The following LRP6 variants were observed in gnomAD, a reference collection of about 807,000 sequenced individuals.
LRP6 encodes the protein LDL receptor related protein 6, also known as low-density lipoprotein receptor-related protein 6.
LRP6 carries 43 observed loss-of-function variants against 184.1 expected under a neutral mutation model. That is an observed-to-expected ratio of 0.23 (90% CI 0.18 to 0.30). The LOEUF is 0.30. Ranked by LOEUF, LRP6 falls within the 10% of genes least tolerant of loss-of-function variation. The probability of loss-of-function intolerance (pLI) is 1.00; values close to 1 mark genes in which losing one functional copy is unlikely to be tolerated. For missense variants in LRP6, 1,571 were observed against 2,005.3 expected (o/e 0.78, Z 4.14); for synonymous variants, 719 against 684.9 (o/e 1.05, Z -0.78).
chr12:12,217,969 A>G (rs1864392039), intron 2 of LRP6, among the ~76,000 whole-genome samples: 1 of 152,210 alleles, frequency 6.6e-6, no homozygotes, highest in South Asian at 2.1e-4. Flanking sequence ...AATTAAAAGA[A>G]TGGTTTCACA....
At chr12:12,147,578 A>C (rs1252025001) in intron 14 of LRP6, 22 bp from the exon 15 acceptor site, 2 of 1,579,606 alleles carry the variant, frequency 1.3e-6, no homozygotes, top group South Asian at 2.2e-5. Flanking sequence ...GGAGGAAAAA[A>C]ATAAGTTACT....
chr12:12,232,089 T>G (rs1291168468), intron 2 of LRP6, among the ~76,000 whole-genome samples: 3 of 151,744 alleles, frequency 2.0e-5, no homozygotes, highest in Admixed American at 6.6e-5. Flanking sequence ...ATACTTTAAA[T>G]AGTTAAGTGG....
At chr12:12,143,320 A>G (rs1189463608) in intron 15 of LRP6, among the ~76,000 whole-genome samples, 1 of 152,176 alleles carries the variant, frequency 6.6e-6, no homozygotes, top group Non-Finnish European at 1.5e-5. Context: ...TTAATATTAT[A>G]AAGATAATAA....
intron 2 of LRP6, among the ~76,000 whole-genome samples, chr12:12,205,492 A>G (rs1008073152): frequency 6.6e-6 from 1 of 152,210 alleles, no homozygotes. Flanking sequence ...ATGCATACTG[A>G]TGTCTCCACT....
At chr12:12,251,264 A>G (rs1182411134) in intron 1 of LRP6, among the ~76,000 whole-genome samples, 1 of 152,160 alleles carries the variant, frequency 6.6e-6, no homozygotes, top group Non-Finnish European at 1.5e-5. Flanking sequence ...GTTTATTTGT[A>G]AGATGTTTTT....
rs36120700 is a variant in LRP6 at position 12,155,807 on chromosome 12, T to TAA, written c.2791+3020_2791+3021dup. 500 of 626,924 alleles carry TAA rather than the reference T, an allele frequency of 8.0e-4. No individual in the cohort carries two copies. In the East Asian group the frequency reaches 0.011, roughly 14 times the overall value. The allele number at this position is 626,924 out of a possible 1,614,324, so 38.8% of individuals were successfully genotyped here. On this transcript the variant is annotated intron_variant, in intron 12 of 22. Coordinates refer to ENST00000261349, the MANE Select transcript of LRP6 (RefSeq NM_002336.3). Reference sequence around the variant, plus strand: ...AAAAAATAAAAGACTTCTGGACTGTTAAAAAAAAAAAAAAGGTTAAATAAT... The same window carrying TAA: ...AAAAAATAAAAGACTTCTGGACTGTTAAAAAAAAAAAAAAAAGGTTAAATAAT...
At chr12:12,213,377 A>T (rs1447443182) in intron 2 of LRP6, among the ~76,000 whole-genome samples, 1 of 151,740 alleles carries the variant, frequency 6.6e-6, no homozygotes, top group Non-Finnish European at 1.5e-5. Flanking sequence ...AACATTTACT[A>T]TTTTTTTCAG....
intron 1 of LRP6, among the ~76,000 whole-genome samples, chr12:12,253,376 A>G (rs1307354091): frequency 6.6e-6 from 1 of 152,052 alleles, no homozygotes; most frequent in Non-Finnish European, 1.5e-5. Context: ...TTCCTTGCCA[A>G]TTTCATTATC....
chr12:12,251,986 T>C (rs1865335124), intron 1 of LRP6, among the ~76,000 whole-genome samples: 1 of 152,068 alleles, frequency 6.6e-6, no homozygotes, highest in South Asian at 2.1e-4. Flanking sequence ...TTCAAACTCC[T>C]GGGCTCAAAC....
Position 12,147,369 on chromosome 12 carries a change from A to C in LRP6, c.3394T>G (p.Ser1132Ala). The change falls in exon 15 of 23, where the codon TCA (serine) becomes GCA (alanine). Residue 1132 changes from serine to alanine, a missense_variant. Ser to Ala is a moderately conservative substitution (Grantham distance 99, BLOSUM62 1). Transcript: ENST00000261349. ...AGGAAACATATTTCTTGGGTACCTG[A>C]GAGATCACTGCTTTCAATTCGCCGG... ...DLRRIESSDLSGANRIVLEDS... is the reference protein window; with the variant it reads ...DLRRIESSDLAGANRIVLEDS... The C allele has an allele frequency of 6.2e-7, 1 of 1,614,100 alleles. No individual in the cohort carries two copies. The highest frequency in any genetic ancestry group is 1.3e-5 in the African/African-American group (1 of 75,046).
intron 3 of LRP6, among the ~76,000 whole-genome samples, chr12:12,195,064 T>C (rs1018598253): frequency 2.6e-5 from 4 of 152,258 alleles, no homozygotes; most frequent in East Asian, 3.9e-4. Context: ...TGGTATTCCA[T>C]TGTGTATATA....
intron 2 of LRP6, among the ~76,000 whole-genome samples, chr12:12,220,788 CAG>C (rs1416184308): frequency 6.6e-6 from 1 of 151,982 alleles, no homozygotes; most frequent in Non-Finnish European, 1.5e-5. Flanking sequence ...TTAGGAGACA[CAG>C]GGTTTCACCA....
At chr12:12,207,960 A>C (rs965317107) in intron 2 of LRP6, among the ~76,000 whole-genome samples, 1 of 152,204 alleles carries the variant, frequency 6.6e-6, no homozygotes, top group African/African-American at 2.4e-5. Flanking sequence ...ATATTTTAAA[A>C]GGAAAACAGA....
chr12:12,166,861 G>T (rs1000137650), intron 7 of LRP6, among the ~76,000 whole-genome samples: 1 of 152,206 alleles, frequency 6.6e-6, no homozygotes, highest in Non-Finnish European at 1.5e-5. Flanking sequence ...ACTTTGGAAG[G>T]CCAAGGCAGG....
intron 1 of LRP6, chr12:12,248,896 C>A: frequency 3.1e-6 from 1 of 327,224 alleles, no homozygotes; most frequent in Non-Finnish European, 5.6e-6. Flanking sequence ...TGTTTCAAAC[C>A]TTCCACTTCC....
In LRP6 at chr12:12,167,426, G is replaced by A. The variant is rs547704271; in HGVS notation, c.1546-2131C>T. ...TGGGAGGCCGAGACGGGTGGGTCACGAGGTCAAGAGATGGAGACAATCCTG... is the reference window on the plus strand; with the variant it reads ...TGGGAGGCCGAGACGGGTGGGTCACAAGGTCAAGAGATGGAGACAATCCTG... On this transcript the variant is annotated intron_variant, in intron 7 of 22. Coordinates refer to ENST00000261349, the MANE Select transcript of LRP6 (RefSeq NM_002336.3). Among the ~76,000 whole-genome samples the A allele has an allele frequency of 7.2e-5, 11 of 152,224 alleles. No homozygotes were observed. In the South Asian group the frequency reaches 1.2e-3, roughly 17 times the overall value.
Position 12,159,949 on chromosome 12 carries a change from A to G in LRP6, c.2295T>C (p.Thr765=), listed in dbSNP as rs774235573. Residue 765 remains threonine (T), a synonymous_variant, in exon 11 of 23, where the codon ACT becomes ACC. Coordinates refer to ENST00000261349, the MANE Select transcript of LRP6 (RefSeq NM_002336.3). ...CTATCTTAGGTTTTCCACCCCATTCAGTCCAATACATAAATCTAAATTCAA... is the reference window on the plus strand; with the variant it reads ...CTATCTTAGGTTTTCCACCCCATTCGGTCCAATACATAAATCTAAATTCAA... The part of the protein sequence containing the change: ...LDPAEGFMYW[T]EWGGKPKIDR... The G allele has an allele frequency of 2.5e-6, 4 of 1,607,902 alleles. No homozygotes were observed. In the African/African-American group the frequency reaches 5.4e-5, roughly 22 times the overall value.
At chr12:12,184,388 A>AT (rs1863417405) in intron 4 of LRP6, among the ~76,000 whole-genome samples, 3 of 68,922 alleles carry the variant, frequency 4.4e-5, no homozygotes, top group African/African-American at 1.7e-4. Flanking sequence ...AAGCAAAACT[A>AT]AAAACAAACA....
chr12:12,192,817 TAAAGG>T (rs892899527), intron 3 of LRP6, among the ~76,000 whole-genome samples: 1 of 151,940 alleles, frequency 6.6e-6, no homozygotes, highest in African/African-American at 2.4e-5. Context: ...CTATTCTCAC[TAAAGG>T]AAAGAACAAC....
Sources: gnomAD v4.1 joint callset for allele counts (sites outside exome capture counted in the v4.1 genomes callset) on GRCh38, gnomAD v4.1.1 for gene constraint, MANE v1.5 for transcripts, NCBI Gene and HGNC (gene_info 2026-07-23, HGNC 2026-07-21) for gene names.